The following CACNA1B variants were observed in gnomAD, a reference collection of about 807,000 sequenced individuals.
The protein encoded by CACNA1B is calcium voltage-gated channel subunit alpha1 B.
CACNA1B carries 70 observed loss-of-function variants against 247.2 expected under a neutral mutation model. That is an observed-to-expected ratio of 0.28 (90% CI 0.23 to 0.35). The LOEUF (loss-of-function observed/expected upper bound fraction) is 0.35. Among genes scored for constraint, CACNA1B ranks in the 10% least tolerant of loss-of-function variants. The pLI, the probability that CACNA1B is intolerant of heterozygous loss-of-function variation, is 1.00. For missense variants in CACNA1B, 2,367 were observed against 3,197.4 expected, an observed-to-expected ratio of 0.74 and a Z score of 6.26; for synonymous variants, 1,231 against 1,294.4, an observed-to-expected ratio of 0.95 and a Z score of 1.05.
intron 11 of CACNA1B, among the ~76,000 whole-genome samples, chr9:137,972,778 C>T (rs936548381): frequency 2.6e-5 from 4 of 152,104 alleles, no homozygotes; most frequent in East Asian, 1.9e-4. Context: ...GACTTCCGAA[C>T]GGGGAGATGG....
chr9:138,023,308 C>T lies in CACNA1B; in HGVS notation c.2565C>T (p.Arg855=), dbSNP rs1958873334. Residue 855 remains arginine (R), a synonymous_variant, in exon 19 of 47, where the codon CGC becomes CGT. Coordinates refer to ENST00000371372, the MANE Select transcript of CACNA1B (RefSeq NM_000718.4). Reference sequence around the variant, plus strand: ...CTCCGCGCAGGCACCACCGGCACCGCGACAAGGACAAGACCCCCGCGGCGG... The same window carrying T: ...CTCCGCGCAGGCACCACCGGCACCGTGACAAGGACAAGACCCCCGCGGCGG... ...VDPPRRHHRH[R]DKDKTPAAGD... The T allele has an allele frequency of 2.6e-6, 4 of 1,514,524 alleles. No homozygotes were observed. The highest frequency in any genetic ancestry group is 1.9e-4 in the Middle Eastern group (1 of 5,256). 93.8% of individuals were successfully genotyped at this position (1,514,524 alleles called of 1,614,324 possible).
rs766909019 is a variant in CACNA1B at position 138,110,120 on chromosome 9, T to TAA, written c.5429-2277_5429-2276insAA. 3.1e-3 allele frequency among the ~76,000 whole-genome samples: 424 copies of TAA among 137,372 alleles called. 2 individuals carry two copies. The highest frequency in any genetic ancestry group is 5.5e-3 in the Non-Finnish European group (330 of 59,874). The allele number at this position is 137,372 out of a possible 152,430, so 90.1% of individuals were successfully genotyped here. ...GCTATATGATATATATATATATACATATATATATATATTTGAGACAGTCTT... is the reference window on the plus strand; with the variant it reads ...GCTATATGATATATATATATATACATAAATATATATATATTTGAGACAGTCTT... On this transcript the variant is annotated intron_variant, in intron 39 of 46. Coordinates refer to ENST00000371372, the MANE Select transcript of CACNA1B (RefSeq NM_000718.4).
chr9:137,949,119 C>G (rs1226068228), intron 6 of CACNA1B, among the ~76,000 whole-genome samples: 49 of 966 alleles, frequency 0.051, no homozygotes, highest in East Asian at 0.079. Flanking sequence ...GGCTGTGTGT[C>G]CAGTGTGTGT....
chr9:138,000,547 T>C (rs563122701), intron 15 of CACNA1B, among the ~76,000 whole-genome samples: 1 of 152,218 alleles, frequency 6.6e-6, no homozygotes, highest in East Asian at 1.9e-4. Flanking sequence ...TGGGGCCCAG[T>C]CATTATAAGG....
At chr9:137,975,116 G>C (rs150591877) in intron 11 of CACNA1B, among the ~76,000 whole-genome samples, 26 of 152,048 alleles carry the variant, frequency 1.7e-4, no homozygotes, top group African/African-American at 6.0e-4. Flanking sequence ...GGGTGAGCAA[G>C]AGTCTGTGTA....
At chr9:138,079,317 GA>G (rs1960434418) in intron 36 of CACNA1B, among the ~76,000 whole-genome samples, 1 of 152,198 alleles carries the variant, frequency 6.6e-6, no homozygotes, top group Non-Finnish European at 1.5e-5. Context: ...TGAGGAGGCA[GA>G]AAGGAGCACT....
chr9:138,102,900 G>A lies in CACNA1B; in HGVS notation c.5319+93G>A, dbSNP rs1961300599. 2.8e-6 allele frequency: 2 copies of A among 710,166 alleles called. No individual in the cohort carries two copies. The highest frequency in any genetic ancestry group is 1.8e-5 in the South Asian group (1 of 54,328). 44.0% of individuals were successfully genotyped at this position (710,166 alleles called of 1,614,324 possible). On this transcript the variant is annotated intron_variant, in intron 38 of 46. Transcript: ENST00000371372. This position sits in a 1 kb window ranked among gnomAD's most constrained non-coding sequence, Gnocchi z 5.4. ...TCTCCCAGCTCCTCTCCCTTTCAGG[G>A]TGCCCGGCTGTCTGTCTGCCGCTCT...
At position 138,020,114 on chromosome 9, in the gene CACNA1B, A is replaced by AT. The variant is rs1958825755; in HGVS notation, c.2268-2897_2268-2896insT. 6.6e-6 allele frequency among the ~76,000 whole-genome samples: 1 copy of AT among 151,784 alleles called. No homozygotes were observed. Among genetic ancestry groups the AT allele is most frequent in the Non-Finnish European group, 1.5e-5 (1 of 67,916 alleles). On this transcript the variant is annotated intron_variant, in intron 18 of 46. Transcript: ENST00000371372. The surrounding 1 kb of genome is among the most constrained non-coding windows in gnomAD (Gnocchi z 4.1). ...TCTGTCTCCCAAAAAAAAAAAAAAA[A>AT]AAAAATGCAGATGGCAGGTATCCAT...
At chr9:137,912,519 C>T (rs994877912) in intron 3 of CACNA1B, among the ~76,000 whole-genome samples, 23 of 152,240 alleles carry the variant, frequency 1.5e-4, no homozygotes, top group South Asian at 1.0e-3. Flanking sequence ...TGACACCATC[C>T]GTGAGTTCTG....
chr9:138,102,674 C>G lies in CACNA1B; in HGVS notation c.5223-37C>G. ...TGCTGCCGCTCCTCCTGTGGACCAC[C>G]CCACTGTGCCCTGGCCTCGCTGGGA... is the stretch of plus-strand genomic sequence containing the variant. On this transcript the variant is annotated intron_variant, in intron 37 of 46. Transcript: ENST00000371372. This position sits in a 1 kb window ranked among gnomAD's most constrained non-coding sequence, Gnocchi z 5.4. The G allele has an allele frequency of 7.4e-7, 1 of 1,347,756 alleles. No homozygotes were observed. Among genetic ancestry groups the G allele is most frequent in the Non-Finnish European group, 1.1e-6 (1 of 948,528 alleles). The allele number at this position is 1,347,756 out of a possible 1,614,324, so 83.5% of individuals were successfully genotyped here.
chr9:137,908,796 A>G (rs1313947350), intron 3 of CACNA1B, among the ~76,000 whole-genome samples: 1 of 149,788 alleles, frequency 6.7e-6, no homozygotes, highest in African/African-American at 2.5e-5. Flanking sequence ...ATGCCTGGCT[A>G]ATTTTTTTGT....
In CACNA1B at chr9:138,014,983, G is replaced by A. The variant is rs1958772241; in HGVS notation, c.2267+1748G>A. 6.6e-6 allele frequency among the ~76,000 whole-genome samples: 1 copy of A among 152,170 alleles called. No homozygotes were observed. The highest frequency in any genetic ancestry group is 2.1e-4 in the South Asian group (1 of 4,830). ...CAAGGCAGTAGACTGGCATCCTTGG[G>A]CACAGTGTACATCGACACCACCTGT... is the stretch of plus-strand genomic sequence containing the variant. On this transcript the variant is annotated intron_variant, in intron 18 of 46. Coordinates refer to ENST00000371372, the MANE Select transcript of CACNA1B (RefSeq NM_000718.4). This position sits in a 1 kb window ranked among gnomAD's most constrained non-coding sequence, Gnocchi z 6.2.
At chr9:138,086,710 T>G (rs1462155442) in intron 36 of CACNA1B, among the ~76,000 whole-genome samples, 1 of 151,310 alleles carries the variant, frequency 6.6e-6, no homozygotes, top group Non-Finnish European at 1.5e-5. Flanking sequence ...ACAGTGTCAT[T>G]TGCGGATTTC....
At chr9:138,075,361 C>T (rs1376492581) in intron 34 of CACNA1B, among the ~76,000 whole-genome samples, 2 of 152,156 alleles carry the variant, frequency 1.3e-5, no homozygotes, top group Middle Eastern at 3.2e-3. Context: ...AATTACTGAC[C>T]CATTTGCATT....
At chr9:138,037,323 A>C (rs1959058695) in intron 20 of CACNA1B, among the ~76,000 whole-genome samples, 1 of 152,176 alleles carries the variant, frequency 6.6e-6, no homozygotes, top group Admixed American at 6.5e-5. Context: ...TGCCAGGAGC[A>C]CCCACTAGTT....
chr9:138,000,308 C>T (rs537875676), intron 15 of CACNA1B, among the ~76,000 whole-genome samples: 6 of 152,128 alleles, frequency 3.9e-5, no homozygotes, highest in Admixed American at 1.3e-4. Context: ...CCGTGTTAGC[C>T]AGGATGGTCT....
intron 6 of CACNA1B, among the ~76,000 whole-genome samples, chr9:137,940,608 T>G (rs1010070378): frequency 1.3e-5 from 2 of 152,072 alleles, no homozygotes; most frequent in Non-Finnish European, 2.9e-5. Flanking sequence ...GGAAAGGACA[T>G]AACCAAAAAA....
chr9:138,032,341 C>T (rs1332456121), intron 20 of CACNA1B, among the ~76,000 whole-genome samples: 2 of 152,076 alleles, frequency 1.3e-5, no homozygotes, highest in African/African-American at 2.4e-5. Context: ...TCTTAAATAG[C>T]TCTTCTATGT....
At position 138,007,477 on chromosome 9, in the gene CACNA1B, G is replaced by A. The variant is rs1354149132; in HGVS notation, c.2092+593G>A. On this transcript the variant is annotated intron_variant, in intron 16 of 46. Transcript: ENST00000371372. This position sits in a 1 kb window ranked among gnomAD's most constrained non-coding sequence, Gnocchi z 4.1. ...ATCTGGAGGGAGAACTACAGCATTC[G>A]TGGTATAGGCAAGGGTGAGGGCTAT... Among the ~76,000 whole-genome samples, 7 of 152,198 alleles carry A rather than the reference G, an allele frequency of 4.6e-5. No homozygotes were observed. The highest frequency in any genetic ancestry group is 1.0e-4 in the Non-Finnish European group (7 of 68,042).
Sources: allele counts gnomAD v4.1 joint callset (sites outside exome capture counted in the v4.1 genomes callset), GRCh38; gene constraint gnomAD v4.1.1; non-coding constraint Gnocchi (gnomAD v3.1); transcripts MANE v1.5; gene names NCBI Gene and HGNC (gene_info 2026-07-23, HGNC 2026-07-21).